HDAC9: variants seen among roughly 807,000 people sequenced by gnomAD.
HDAC9 encodes the protein histone deacetylase 9, also known as MEF-2 interacting transcription repressor (MITR) protein.
A neutral mutation model predicts 139.4 loss-of-function variants in HDAC9; 41 were observed. The ratio of observed to expected loss-of-function variants is 0.29; its 90% CI spans 0.23 to 0.38. The LOEUF (loss-of-function observed/expected upper bound fraction) is 0.38. Ranked by LOEUF, HDAC9 falls within the 10% of genes least tolerant of loss-of-function variation. The probability of loss-of-function intolerance (pLI) is 1.00; values close to 1 mark genes in which losing one functional copy is unlikely to be tolerated. For missense variants in HDAC9, 1,147 were observed against 1,297.0 expected (o/e 0.88, Z 1.78); for synonymous variants, 517 against 476.2 (o/e 1.09, Z -1.12).
chr7:18,424,934 T>C (rs958954396), intron 1 of HDAC9, among the ~76,000 whole-genome samples: 4 of 152,092 alleles, frequency 2.6e-5, no homozygotes, highest in Non-Finnish European at 1.5e-5. Flanking sequence ...ATAATAGTAA[T>C]AAGAATATGT....
chr7:18,581,057 T>C (rs1195044432), intron 2 of HDAC9, among the ~76,000 whole-genome samples: 2 of 152,158 alleles, frequency 1.3e-5, no homozygotes, highest in Non-Finnish European at 2.9e-5. Flanking sequence ...AGAGATGAGC[T>C]ATTGTCCAAG....
chr7:18,331,035 T>C (rs1295511668), intron 1 of HDAC9, among the ~76,000 whole-genome samples: 1 of 151,688 alleles, frequency 6.6e-6, no homozygotes, highest in Non-Finnish European at 1.5e-5. Context: ...GGTTTCTCTG[T>C]TATCACAACC....
At chr7:18,879,203 A>G (rs1585208633) in intron 22 of HDAC9, among the ~76,000 whole-genome samples, 2 of 152,190 alleles carry the variant, frequency 1.3e-5, no homozygotes, top group Admixed American at 1.3e-4. Context: ...ATAGACAGGA[A>G]GAATCAATAT....
chr7:18,262,674 G>A (rs1482830881), intron 2 of HDAC9, among the ~76,000 whole-genome samples: 1 of 152,174 alleles, frequency 6.6e-6, no homozygotes, highest in Non-Finnish European at 1.5e-5. Context: ...AAAACTATGT[G>A]TTTGGCTAAT....
chr7:18,496,102 T>C (rs1796866225), intron 1 of HDAC9, 79 bp downstream of exon 1: 4 of 1,405,966 alleles, frequency 2.8e-6, no homozygotes, highest in Non-Finnish European at 3.8e-6. Context: ...ATTGTCGAAG[T>C]TGATCCTCTG....
intron 2 of HDAC9, among the ~76,000 whole-genome samples, chr7:18,164,458 A>G (rs1275883739): frequency 2.0e-5 from 3 of 152,228 alleles, no homozygotes; most frequent in East Asian, 3.8e-4. Context: ...TTATGCAATC[A>G]TCATCCATTT....
At chr7:18,157,779 C>T (rs1787316736) in intron 1 of HDAC9, among the ~76,000 whole-genome samples, 1 of 141,184 alleles carries the variant, frequency 7.1e-6, no homozygotes, top group African/African-American at 2.7e-5. Flanking sequence ...GTTGAAATTA[C>T]AGCAGAATTT....
intron 25 of HDAC9, among the ~76,000 whole-genome samples, chr7:18,993,333 G>C (rs567324150): frequency 8.9e-4 from 135 of 152,288 alleles, no homozygotes; most frequent in African/African-American, 3.2e-3. Flanking sequence ...GCAAGTAAGG[G>C]ATTATTATTT....
chr7:18,439,832 C>A (rs1015825549), intron 1 of HDAC9, among the ~76,000 whole-genome samples: 5 of 152,152 alleles, frequency 3.3e-5, no homozygotes, highest in African/African-American at 1.2e-4. Flanking sequence ...TCTGAATGTA[C>A]ATACACACAC....
At chr7:18,334,531 G>T (rs1490577153) in intron 1 of HDAC9, among the ~76,000 whole-genome samples, 1 of 151,298 alleles carries the variant, frequency 6.6e-6, no homozygotes, top group Non-Finnish European at 1.5e-5. Flanking sequence ...TACAATCAGG[G>T]CATGTTTTAT....
chr7:18,991,116 A>C (rs1340390893), intron 25 of HDAC9, among the ~76,000 whole-genome samples: 1 of 152,212 alleles, frequency 6.6e-6, no homozygotes, highest in Non-Finnish European at 1.5e-5. Flanking sequence ...CTTGATTTAA[A>C]TTATCATACT....
intron 17 of HDAC9, among the ~76,000 whole-genome samples, chr7:18,821,023 AT>A (rs1422808634): frequency 1.3e-5 from 2 of 152,158 alleles, no homozygotes; most frequent in Admixed American, 1.3e-4. Context: ...GTGCCAGCAG[AT>A]TTGATTGTCT....
intron 16 of HDAC9, among the ~76,000 whole-genome samples, chr7:18,777,098 A>T (rs546003403): frequency 3.7e-4 from 57 of 152,108 alleles, no homozygotes; most frequent in African/African-American, 1.3e-3. Flanking sequence ...GGGTGGGGGC[A>T]CACTTACTCA....
chr7:18,154,089 C>A (rs11981992), intron 1 of HDAC9, among the ~76,000 whole-genome samples: 29,343 of 151,986 alleles, frequency 0.19, 3,701 homozygotes, highest in African/African-American at 0.37. Flanking sequence ...ATACAATATC[C>A]GGGGAATAGA....
intron 1 of HDAC9, among the ~76,000 whole-genome samples, chr7:18,363,551 A>G (rs1266736154): frequency 1.3e-5 from 2 of 152,220 alleles, no homozygotes; most frequent in East Asian, 3.8e-4. Context: ...TAAATAAATC[A>G]GTGGCATCTA....
chr7:18,983,966 G>C (rs1055959116), intron 25 of HDAC9, among the ~76,000 whole-genome samples: 1 of 151,898 alleles, frequency 6.6e-6, no homozygotes, highest in Non-Finnish European at 1.5e-5. Flanking sequence ...ATATCCTGTA[G>C]ATTTCAGATC....
chr7:18,793,590 G>C, intron 17 of HDAC9, 138 bp downstream of exon 17: 2 of 675,922 alleles, frequency 3.0e-6, no homozygotes, highest in South Asian at 3.4e-5. Context: ...TGGCCACTAA[G>C]GTGTGATAAT....
chr7:18,433,194 T>C (rs982862853), intron 1 of HDAC9, among the ~76,000 whole-genome samples: 3 of 152,140 alleles, frequency 2.0e-5, no homozygotes, highest in Non-Finnish European at 2.9e-5. Context: ...AAATTCAACA[T>C]TCTTTCATAT....
At chr7:18,212,454 G>C (rs1792012641) in intron 2 of HDAC9, among the ~76,000 whole-genome samples, 1 of 152,130 alleles carries the variant, frequency 6.6e-6, no homozygotes. Context: ...GAAAATACGG[G>C]TGTGAATTCT....
Sources: allele counts gnomAD v4.1 joint callset (sites outside exome capture counted in the v4.1 genomes callset), GRCh38; gene constraint gnomAD v4.1.1; transcripts MANE v1.5; gene names NCBI Gene and HGNC (gene_info 2026-07-23, HGNC 2026-07-21).